Variants in ZNF770 observed in about 807,000 individuals in gnomAD.
The protein encoded by ZNF770 is zinc finger protein 770.
Under a neutral mutation model 44.8 loss-of-function variants are expected in ZNF770, and 13 were observed. The observed-to-expected ratio is 0.29, with a 90% CI of 0.19 to 0.46. The LOEUF (loss-of-function observed/expected upper bound fraction) is 0.46. ZNF770 is among the 20% of genes least tolerant of loss of function. The probability of loss-of-function intolerance (pLI) is 1.00; values close to 1 mark genes in which losing one functional copy is unlikely to be tolerated. For missense variants in ZNF770, 681 were observed against 797.9 expected (o/e 0.85, Z 1.77); for synonymous variants, 304 against 271.8 (o/e 1.12, Z -1.17).
chr15:34,982,121 T>A lies in ZNF770; in HGVS notation c.1314A>T (p.Lys438Asn), dbSNP rs751569366. 1 of 1,614,090 alleles carries A rather than the reference T, an allele frequency of 6.2e-7. No homozygotes were observed. The highest frequency in any genetic ancestry group is 1.7e-5 in the Admixed American group (1 of 60,032). The change falls in exon 3 of 3, where the codon AAA becomes AAT. Residue 438 changes from lysine (K) to asparagine (N), a missense_variant. By Grantham distance (94) the Lys-to-Asn change is moderately conservative (BLOSUM62 0). Coordinates refer to ENST00000356321, the MANE Select transcript of ZNF770 (RefSeq NM_014106.4). ...CTGATGAACCACAGATTGACAAGTC[T>A]TTCTTATTCACTGAATTATCAATGC... ...ILSIDNSVNKKDLSICGSSGE... is the reference protein window; with the variant it reads ...ILSIDNSVNKNDLSICGSSGE...
At chr15:34,987,134 C>G (rs140516381) in intron 2 of ZNF770, among the ~76,000 whole-genome samples, 1 of 152,376 alleles carries the variant, frequency 6.6e-6, no homozygotes, top group Non-Finnish European at 1.5e-5. Context: ...AAAAAAATCA[C>G]ACACCACAAC....
At chr15:34,988,095 C>G (rs866158965) in intron 1 of ZNF770, 21 bp downstream of exon 1, 1 of 152,272 alleles carries the variant, frequency 6.6e-6, no homozygotes, top group South Asian at 2.1e-4. Flanking sequence ...GTGGAGCCCC[C>G]GTTCTTGGGT....
rs201290309 is a variant in ZNF770, at chr15:34,981,488, C to T, written c.1947G>A (p.Gly649=). Residue 649 remains glycine (G), a synonymous_variant, in exon 3 of 3, where the codon GGG becomes GGA. Coordinates refer to ENST00000356321, the MANE Select transcript of ZNF770 (RefSeq NM_014106.4). ...KLERHYLIHA[G]QKPFECSVCG... ...AAACTGAGCATTCAAATGGTTTCTGCCCTGCATGAATTAGGTAGTGTCTTT... is the reference window on the plus strand; with the variant it reads ...AAACTGAGCATTCAAATGGTTTCTGTCCTGCATGAATTAGGTAGTGTCTTT... The T allele has an allele frequency of 4.0e-5, 65 of 1,614,036 alleles. No individual in the cohort carries two copies. The highest frequency in any genetic ancestry group is 5.4e-5 in the Non-Finnish European group (64 of 1,180,026).
chr15:34,983,025 T>C lies in ZNF770; in HGVS notation c.410A>G (p.Glu137Gly). 1 of 1,614,092 alleles carries C rather than the reference T, an allele frequency of 6.2e-7. No individual in the cohort carries two copies. Among genetic ancestry groups the C allele is most frequent in the African/African-American group, 1.3e-5 (1 of 75,066 alleles). ...YGVYNTFTTEERWALHPCSKS... is the reference protein window; with the variant it reads ...YGVYNTFTTEGRWALHPCSKS... ...AGAGCACGGGTGTAATGCCCATCTT[T>C]CCTCTGTGGTAAAAGTATTATACAC... The change falls in exon 3 of 3, where the codon GAA (glutamate) becomes GGA (glycine). Residue 137 changes from glutamate to glycine, a missense_variant. Physicochemically the swap from Glu to Gly is moderately conservative, Grantham distance 98. Around this residue, in one of 5 missense-constraint regions of ZNF770, gnomAD observed 432 missense variants for 434.1 expected, o/e 1.00. Transcript: ENST00000356321.
Position 34,983,204 on chromosome 15 carries a change from A to G in ZNF770, c.231T>C (p.His77=). ...LVHLERHQLT[H]SLPFKCSICQ... is the part of the protein sequence containing the mutation. ...AAATACTACATTTAAAAGGCAGACT[A>G]TGAGTTAGTTGATGCCTCTCCAGAT... Residue 77 remains histidine, a synonymous_variant, in exon 3 of 3, where the codon CAT becomes CAC. Coordinates refer to ENST00000356321, the MANE Select transcript of ZNF770 (RefSeq NM_014106.4). 1 of 1,613,716 alleles carries G rather than the reference A, an allele frequency of 6.2e-7. No individual in the cohort carries two copies. The highest frequency in any genetic ancestry group is 1.1e-5 in the South Asian group (1 of 91,042).
chr15:34,983,563 T>G, intron 2 of ZNF770, 73 bp from the exon 3 acceptor site: 2 of 841,372 alleles, frequency 2.4e-6, no homozygotes, highest in South Asian at 4.3e-5. Flanking sequence ...AAGTTGTTCT[T>G]TGGCTGAAGA....
In ZNF770 at chr15:34,978,857, A is replaced by G. The variant is rs1034648335; in HGVS notation, c.*2502T>C. On this transcript the variant is annotated 3_prime_UTR_variant, in exon 3 of 3. Transcript: ENST00000356321. The stretch of plus-strand genomic sequence containing the variant: ...CCCTTACATAAAATGACATATTTGT[A>G]TATAACCAACGCACATCCGCCTGTA... 3.3e-5 allele frequency: 5 copies of G among 152,242 alleles called. No individual in the cohort carries two copies. The highest frequency in any genetic ancestry group is 1.2e-4 in the African/African-American group (5 of 41,464). 9.4% of individuals were successfully genotyped at this position (152,242 alleles called of 1,614,324 possible). A position where few individuals can be genotyped will look rare whatever the true frequency, so the allele number is the denominator to read the frequency against.
At position 34,980,993 on chromosome 15, in the gene ZNF770, T is replaced by G. The variant is rs2050397991; in HGVS notation, c.*366A>C. The G allele has an allele frequency of 5.6e-6, 1 of 178,882 alleles. No homozygotes were observed. The highest frequency in any genetic ancestry group is 1.2e-5 in the Non-Finnish European group (1 of 85,392). The allele number at this position is 178,882 out of a possible 1,614,324, so 11.1% of individuals were successfully genotyped here. A position where few individuals can be genotyped will look rare whatever the true frequency, so the allele number is the denominator to read the frequency against. ...AAAGCCAAGTTTTGCCTCTCAGTCTTTTGAGTATATCTAAAAAGAGATGGC... is the reference window on the plus strand; with the variant it reads ...AAAGCCAAGTTTTGCCTCTCAGTCTGTTGAGTATATCTAAAAAGAGATGGC... On this transcript the variant is annotated 3_prime_UTR_variant, in exon 3 of 3. Coordinates refer to ENST00000356321, the MANE Select transcript of ZNF770 (RefSeq NM_014106.4).
intron 2 of ZNF770, among the ~76,000 whole-genome samples, chr15:34,986,244 C>T (rs72700702): frequency 0.099 from 15,097 of 152,108 alleles, 847 homozygotes; most frequent in Non-Finnish European, 0.13. Flanking sequence ...AATTACAGGC[C>T]AAATGGAAAA....
In ZNF770 at chr15:34,979,268, T is replaced by C. The variant is rs921819190; in HGVS notation, c.*2091A>G. 2 of 159,154 alleles carry C rather than the reference T, an allele frequency of 1.3e-5. No individual in the cohort carries two copies. Among genetic ancestry groups the C allele is most frequent in the Non-Finnish European group, 2.8e-5 (2 of 72,092 alleles). The allele number at this position is 159,154 out of a possible 1,614,324, so 9.9% of individuals were successfully genotyped here. ...TACAAAACATTTTCTTCAAATAAAA[T>C]TACATAAATTGCTTAGAAAAATGCC... On this transcript the variant is annotated 3_prime_UTR_variant, in exon 3 of 3. Transcript: ENST00000356321.
rs2050448076 is a variant in ZNF770, at chr15:34,988,213, G to GCC, written c.-273_-272dup. ...CCTCACGCATCTGGAGCTGGCGAGG[G>GCC]CCCGGGAGGCACGCACCTCAGGCCC... On this transcript the variant is annotated 5_prime_UTR_variant, in exon 1 of 3. Coordinates refer to ENST00000356321, the MANE Select transcript of ZNF770 (RefSeq NM_014106.4). The GCC allele has an allele frequency of 6.6e-6, 1 of 152,204 alleles. No homozygotes were observed. The highest frequency in any genetic ancestry group is 2.1e-4 in the South Asian group (1 of 4,828). 9.4% of individuals were successfully genotyped at this position (152,204 alleles called of 1,614,324 possible).
chr15:34,982,962 T>C lies in ZNF770; in HGVS notation c.473A>G (p.Asn158Ser), dbSNP rs2050412535. 6.2e-7 allele frequency: 1 copy of C among 1,614,072 alleles called. No individual in the cohort carries two copies. Among genetic ancestry groups the C allele is most frequent in the African/African-American group, 1.3e-5 (1 of 75,054 alleles). The change falls in exon 3 of 3, where the codon AAT (asparagine) becomes AGT (serine). Residue 158 changes from asparagine to serine, a missense_variant. This residue lies in a region of ZNF770 where 432 missense variants were observed against 434.1 expected (regional missense o/e 1.00). Coordinates refer to ENST00000356321, the MANE Select transcript of ZNF770 (RefSeq NM_014106.4). The stretch of plus-strand genomic sequence containing the variant: ...GCCACAGATTGTACATGCATGAATA[T>C]TCTTTCTTCTTTTCATGCTATACAT... ...DPMYSMKRRK[N>S]IHACTICGKM...
chr15:34,981,616 T>C lies in ZNF770; in HGVS notation c.1819A>G (p.Ser607Gly). 1 of 1,614,174 alleles carries C rather than the reference T, an allele frequency of 6.2e-7. No homozygotes were observed. The highest frequency in any genetic ancestry group is 8.5e-7 in the Non-Finnish European group (1 of 1,180,038). The change falls in exon 3 of 3, where the codon AGC (serine) becomes GGC (glycine). Residue 607 changes from serine (S) to glycine (G), a missense_variant. Around this residue, in one of 5 missense-constraint regions of ZNF770, gnomAD observed 148 missense variants for 191.0 expected, o/e 0.77. Transcript: ENST00000356321. ...LPNVLLESEQ[S>G]NPFCSYSEHQ... ...TCTGAATAACTGCAAAAAGGATTGCTTTGCTCTGATTCCAAAAGTACATTA... is the reference window on the plus strand; with the variant it reads ...TCTGAATAACTGCAAAAAGGATTGCCTTGCTCTGATTCCAAAAGTACATTA...
rs1286995130 is a variant in ZNF770, at chr15:34,978,936, G to T, written c.*2423C>A. The T allele has an allele frequency of 2.6e-5, 4 of 152,208 alleles. No individual in the cohort carries two copies. Among genetic ancestry groups the T allele is most frequent in the African/African-American group, 9.6e-5 (4 of 41,500 alleles). 9.4% of individuals were successfully genotyped at this position (152,208 alleles called of 1,614,324 possible). A position where few individuals can be genotyped will look rare whatever the true frequency, so the allele number is the denominator to read the frequency against. On this transcript the variant is annotated 3_prime_UTR_variant, in exon 3 of 3. Coordinates refer to ENST00000356321, the MANE Select transcript of ZNF770 (RefSeq NM_014106.4). Reference sequence around the variant, plus strand: ...CAATGTAAATGCTATTTAAATAACTGTTATACTGTATTTTTATTTGTATTA... The same window carrying T: ...CAATGTAAATGCTATTTAAATAACTTTTATACTGTATTTTTATTTGTATTA...
At position 34,983,334 on chromosome 15, in the gene ZNF770, T is replaced by C. The variant is rs1398481398; in HGVS notation, c.101A>G (p.Lys34Arg). 6.2e-7 allele frequency: 1 copy of C among 1,612,872 alleles called. No homozygotes were observed. The highest frequency in any genetic ancestry group is 8.5e-7 in the Non-Finnish European group (1 of 1,179,132). The change falls in exon 3 of 3, where the codon AAG becomes AGG. Residue 34 changes from lysine (K) to arginine (R), a missense_variant. Physicochemically the swap from Lys to Arg is conservative, Grantham distance 26. Around this residue, in one of 5 missense-constraint regions of ZNF770, gnomAD observed 65 missense variants for 115.0 expected, o/e 0.57. Coordinates refer to ENST00000356321, the MANE Select transcript of ZNF770 (RefSeq NM_014106.4). ...TAATTTTGATGGTGTTTCAAAGTGC[T>C]TAAAACAAATATTGCAAACATATGG... ...NRPYVCNICF[K>R]HFETPSKLAR...
intron 2 of ZNF770, among the ~76,000 whole-genome samples, chr15:34,985,432 A>C (rs2050427683): frequency 6.6e-6 from 1 of 152,160 alleles, no homozygotes; most frequent in Non-Finnish European, 1.5e-5. Context: ...CCAAATCACA[A>C]ACATACCCAC....
Position 34,981,728 on chromosome 15 carries a change from G to A in ZNF770, c.1707C>T (p.Tyr569=), listed in dbSNP as rs535735868. The A allele has an allele frequency of 6.2e-6, 10 of 1,613,994 alleles. No homozygotes were observed. The highest frequency in any genetic ancestry group is 2.7e-5 in the African/African-American group (2 of 75,032). The part of the protein sequence containing the change: ...QQCQAPGVQK[Y]EVSESDQMSG... ...ACATTTGATCTGACTCTGAGACCTC[G>A]TATTTTTGAACACCAGGAGCCTGAC... The change falls in exon 3 of 3, where the codon TAC becomes TAT. Residue 569 remains tyrosine, a synonymous_variant. Coordinates refer to ENST00000356321, the MANE Select transcript of ZNF770 (RefSeq NM_014106.4).
intron 2 of ZNF770, among the ~76,000 whole-genome samples, chr15:34,986,473 G>A (rs1319002411): frequency 1.3e-5 from 2 of 152,208 alleles, no homozygotes; most frequent in African/African-American, 4.8e-5. Flanking sequence ...TTAAAATTAA[G>A]TCATGAATCC....
intron 1 of ZNF770, 102 bp downstream of exon 1, chr15:34,988,014 T>C (rs978664904): frequency 6.6e-6 from 1 of 152,250 alleles, no homozygotes; most frequent in East Asian, 1.9e-4. Context: ...CCTCTCAAAT[T>C]TCTGCTCCGC....
Sources: allele counts gnomAD v4.1 joint callset (sites outside exome capture counted in the v4.1 genomes callset), GRCh38; gene constraint gnomAD v4.1.1; regional missense constraint gnomAD v4.1.1; transcripts MANE v1.5; gene names NCBI Gene and HGNC (gene_info 2026-07-23, HGNC 2026-07-21).